JMJD1C: variants seen among roughly 807,000 people sequenced by gnomAD.
JMJD1C encodes the protein jumonji domain-containing protein 1C.
In JMJD1C, 31 loss-of-function variants were observed where a neutral mutation model predicts 245.3. The ratio of observed to expected loss-of-function variants is 0.13; its 90% CI spans 0.09 to 0.17. The LOEUF (loss-of-function observed/expected upper bound fraction) is 0.17. Ranked by LOEUF, JMJD1C falls within the 10% of genes least tolerant of loss-of-function variation. The pLI, the probability that JMJD1C is intolerant of heterozygous loss-of-function variation, is 1.00. For missense variants in JMJD1C, 2,691 were observed against 3,000.2 expected, an observed-to-expected ratio of 0.90 and a Z score of 2.41; for synonymous variants, 1,057 against 1,017.4, an observed-to-expected ratio of 1.04 and a Z score of -0.74.
chr10:63,474,249 T>C (rs1347181765), intron 1 of JMJD1C, among the ~76,000 whole-genome samples: 2 of 152,078 alleles, frequency 1.3e-5, no homozygotes, highest in Non-Finnish European at 2.9e-5. Flanking sequence ...GATATAGAAA[T>C]ATGGAAAAAG....
chr10:63,207,758 G>T lies in JMJD1C; in HGVS notation c.3911C>A (p.Ser1304Tyr). ...ACTAGAAGATGGACGCACAATGACA[G>T]ATGCCATAGCAGCCTGTAACTTTCC... The part of the protein sequence containing the change: ...SSGKLQAAMA[S>Y]VIVRPSSSTK... Residue 1304 changes from serine (S) to tyrosine (Y), a missense_variant, in exon 10 of 26, where the codon TCT (serine) becomes TAT (tyrosine). This residue lies in a region of JMJD1C where 1,562 missense variants were observed against 1,490.7 expected (regional missense o/e 1.05). Coordinates refer to ENST00000399262, the MANE Select transcript of JMJD1C (RefSeq NM_032776.3). 1.2e-6 allele frequency: 2 copies of T among 1,614,202 alleles called. No individual in the cohort carries two copies. Among genetic ancestry groups the T allele is most frequent in the Non-Finnish European group, 8.5e-7 (1 of 1,180,022 alleles).
intron 1 of JMJD1C, among the ~76,000 whole-genome samples, chr10:63,475,762 G>A (rs1017859997): frequency 2.6e-5 from 4 of 152,130 alleles, no homozygotes; most frequent in East Asian, 1.9e-4. Context: ...AAGAGCATTC[G>A]ACTACTAGAG....
chr10:63,477,721 T>C (rs1487021160), intron 1 of JMJD1C, among the ~76,000 whole-genome samples: 1 of 152,094 alleles, frequency 6.6e-6, no homozygotes, highest in Non-Finnish European at 1.5e-5. Context: ...ATTTCTCACC[T>C]GCAACACCAA....
intron 2 of JMJD1C, among the ~76,000 whole-genome samples, chr10:63,296,257 G>A (rs376411721): frequency 1.4e-4 from 21 of 151,740 alleles, no homozygotes; most frequent in South Asian, 4.2e-4. Context: ...TGATCCACCC[G>A]TCTCAGCCTC....
intron 1 of JMJD1C, among the ~76,000 whole-genome samples, chr10:63,390,595 T>C (rs750404951): frequency 4.7e-5 from 7 of 150,200 alleles, no homozygotes; most frequent in Non-Finnish European, 1.0e-4. Context: ...AACAACAAAA[T>C]AAAACTACAG....
chr10:63,223,703 T>C (rs560125598), intron 3 of JMJD1C, among the ~76,000 whole-genome samples: 24 of 152,346 alleles, frequency 1.6e-4, no homozygotes, highest in African/African-American at 4.8e-4. Context: ...TTATAAGTTA[T>C]AACTACTAGG....
chr10:63,210,431 G>GT (rs1337451794), intron 8 of JMJD1C, among the ~76,000 whole-genome samples: 1 of 151,864 alleles, frequency 6.6e-6, no homozygotes, highest in African/African-American at 2.4e-5. Flanking sequence ...CTTGTTTTTA[G>GT]TTTAACACAT....
chr10:63,285,917 G>C (rs1231132044), intron 2 of JMJD1C, among the ~76,000 whole-genome samples: 2 of 152,200 alleles, frequency 1.3e-5, no homozygotes, highest in Non-Finnish European at 2.9e-5. Context: ...ATTTGCTTGA[G>C]AGCAGCCCCA....
intron 3 of JMJD1C, among the ~76,000 whole-genome samples, chr10:63,234,913 A>G (rs1389387433): frequency 1.3e-5 from 2 of 152,178 alleles, no homozygotes; most frequent in South Asian, 4.1e-4. Flanking sequence ...TACATTTTTT[A>G]TGAACTAAGT....
rs1169304656 is a variant in JMJD1C, at chr10:63,395,230, G to C, written c.169-14748C>G. ...GCAGCGGCTCATGCCTGTAATCCCA[G>C]CACTTTGGGAGGCCAAGGCAAGCAG... is the stretch of plus-strand genomic sequence containing the variant. On this transcript the variant is annotated intron_variant, in intron 1 of 25. Transcript: ENST00000399262. Among the ~76,000 whole-genome samples the C allele has an allele frequency of 8.5e-5, 13 of 152,256 alleles. No homozygotes were observed. In the East Asian group the frequency reaches 2.3e-3, roughly 27 times the overall value.
In JMJD1C at chr10:63,205,838, T is replaced by TCAAAAA. The variant is rs577602135; in HGVS notation, c.5074+756_5074+757insTTTTTG. Among the ~76,000 whole-genome samples, 365 of 152,290 alleles carry TCAAAAA rather than the reference T, an allele frequency of 2.4e-3. 3 individuals carry two copies. The South Asian group carries it at 0.029, about 12-fold the overall frequency. ...TACATTCCATCATTTTTTGTTTATT[T>TCAAAAA]TTTGAGACATGGTCTTGCTCTGTTG... On this transcript the variant is annotated intron_variant, in intron 10 of 25. Coordinates refer to ENST00000399262, the MANE Select transcript of JMJD1C (RefSeq NM_032776.3).
intron 2 of JMJD1C, among the ~76,000 whole-genome samples, chr10:63,301,078 T>C (rs1016690807): frequency 1.3e-5 from 2 of 152,180 alleles, no homozygotes; most frequent in South Asian, 2.1e-4. Context: ...TGCAGTGGCA[T>C]GACCTTGGCT....
At chr10:63,400,530 C>A (rs984377673) in intron 1 of JMJD1C, among the ~76,000 whole-genome samples, 4 of 152,024 alleles carry the variant, frequency 2.6e-5, no homozygotes, top group African/African-American at 9.7e-5. Context: ...TCTTTATTTC[C>A]TGCCTTGTTC....
At chr10:63,296,013 A>ACATATTTTTTT (rs1554877208) in intron 2 of JMJD1C, among the ~76,000 whole-genome samples, 1 of 84,284 alleles carries the variant, frequency 1.2e-5, no homozygotes, top group Admixed American at 1.3e-4. Flanking sequence ...GTATATATAT[A>ACATATTTTTTT]TTTTTTTTTT....
At chr10:63,184,975 T>C (rs1458890537) in intron 20 of JMJD1C, among the ~76,000 whole-genome samples, 1 of 152,172 alleles carries the variant, frequency 6.6e-6, no homozygotes, top group Non-Finnish European at 1.5e-5. Context: ...TCTCTTTTTT[T>C]GAGACAAAGT....
intron 3 of JMJD1C, chr10:63,222,157 G>A (rs1474251224): frequency 5.4e-6 from 4 of 736,932 alleles, no homozygotes; most frequent in African/African-American, 3.4e-5. Flanking sequence ...CTGCAGTCAT[G>A]AGTCATTTCA....
At chr10:63,363,252 CTTTT>C (rs71463517) in intron 2 of JMJD1C, among the ~76,000 whole-genome samples, 1 of 99,862 alleles carries the variant, frequency 1.0e-5, no homozygotes, top group Non-Finnish European at 2.0e-5. Context: ...TCATACAATT[CTTTT>C]TTTTTTTTTT....
chr10:63,224,765 T>TA (rs1849037822), intron 3 of JMJD1C, among the ~76,000 whole-genome samples: 2 of 152,020 alleles, frequency 1.3e-5, no homozygotes, highest in Non-Finnish European at 2.9e-5. Flanking sequence ...CGTGTGAGAT[T>TA]AAAAATCCAC....
At chr10:63,359,605 A>G (rs1414448075) in intron 2 of JMJD1C, among the ~76,000 whole-genome samples, 1 of 152,208 alleles carries the variant, frequency 6.6e-6, no homozygotes, top group African/African-American at 2.4e-5. Context: ...TACCCATGAT[A>G]GGAATTTTGT....
Sources: gnomAD v4.1 joint callset for allele counts (sites outside exome capture counted in the v4.1 genomes callset) on GRCh38, gnomAD v4.1.1 for gene constraint, gnomAD v4.1.1 regional missense constraint, MANE v1.5 for transcripts, NCBI Gene and HGNC (gene_info 2026-07-23, HGNC 2026-07-21) for gene names.